Variants in STK3 observed in about 807,000 individuals in gnomAD.
The protein encoded by STK3 is serine/threonine-protein kinase 3.
STK3 carries 41 observed loss-of-function variants against 58.0 expected under a neutral mutation model. The observed-to-expected ratio is 0.71, with a 90% CI of 0.55 to 0.92. The LOEUF (loss-of-function observed/expected upper bound fraction) is 0.92. Among genes scored for constraint, STK3 ranks in the 40% least tolerant of loss-of-function variants. The pLI is 0.00. For synonymous variants in STK3, 170 were observed against 191.0 expected, an observed-to-expected ratio of 0.89 and a Z score of 0.91; for missense variants, 479 against 602.7, an observed-to-expected ratio of 0.79 and a Z score of 2.15.
chr8:98,405,313 G>A (rs1817983605), intron 3 of STK3, among the ~76,000 whole-genome samples: 1 of 152,168 alleles, frequency 6.6e-6, no homozygotes, highest in Non-Finnish European at 1.5e-5. Flanking sequence ...GATGAGTGGG[G>A]AGATGCCAGG....
chr8:98,903,556 CCT>C lies in STK3; in HGVS notation c.-78-19724_-78-19723del, dbSNP rs1491092138. On this transcript the variant is annotated intron_variant, in intron 1 of 1. Transcript: ENST00000519420. ...TCTTCTTCTTCTTCTTCTTCTTCTT[CCT>C]TTTTTTTTTTTTAAGTGGGGCCTTG... Among the ~76,000 whole-genome samples, 18 of 50,514 alleles carry C rather than the reference CCT, an allele frequency of 3.6e-4. 2 individuals carry two copies. Among genetic ancestry groups the C allele is most frequent in the South Asian group, 6.9e-4 (1 of 1,450 alleles). 33.1% of individuals were successfully genotyped at this position (50,514 alleles called of 152,430 possible).
chr8:98,653,000 A>C (rs1821090840), intron 6 of STK3, among the ~76,000 whole-genome samples: 1 of 152,106 alleles, frequency 6.6e-6, no homozygotes, highest in South Asian at 2.1e-4. Flanking sequence ...CATCTACAGA[A>C]CTCTCCACCC....
intron 1 of STK3, among the ~76,000 whole-genome samples, chr8:98,930,780 C>G (rs1839977433): frequency 6.6e-6 from 1 of 152,202 alleles, no homozygotes; most frequent in African/African-American, 2.4e-5. Context: ...TCAATTTGCT[C>G]TATTTATCTT....
At chr8:98,469,067 C>T (rs1820705944) in intron 10 of STK3, among the ~76,000 whole-genome samples, 1 of 151,738 alleles carries the variant, frequency 6.6e-6, no homozygotes, top group Non-Finnish European at 1.5e-5. Context: ...TAGGATCGTG[C>T]CACTGCACTT....
chr8:98,421,853 C>T (rs1818178100), intron 3 of STK3, among the ~76,000 whole-genome samples: 1 of 152,134 alleles, frequency 6.6e-6, no homozygotes, highest in Non-Finnish European at 1.5e-5. Context: ...TGGAGGGCCC[C>T]CAAGGGAGCA....
chr8:98,590,631 C>T (rs1054795486), intron 7 of STK3, among the ~76,000 whole-genome samples: 5 of 152,334 alleles, frequency 3.3e-5, no homozygotes, highest in Middle Eastern at 3.4e-3. Flanking sequence ...ATTTCATGCA[C>T]GTCCGTGTGA....
Position 98,825,570 on chromosome 8 carries a change from T to A in STK3, c.-30A>T. 2 of 1,445,082 alleles carry A rather than the reference T, an allele frequency of 1.4e-6. No individual in the cohort carries two copies. Among genetic ancestry groups the A allele is most frequent in the Admixed American group, 2.7e-5 (1 of 37,394 alleles). The allele number at this position is 1,445,082 out of a possible 1,614,324, so 89.5% of individuals were successfully genotyped here. Reference sequence around the variant, plus strand: ...GCCGGGGACAGAGAGAGGGACCTGGTGGACGGCGAAGGCCGAAAGGAGGAA... The same window carrying A: ...GCCGGGGACAGAGAGAGGGACCTGGAGGACGGCGAAGGCCGAAAGGAGGAA... On this transcript the variant is annotated 5_prime_UTR_variant, in exon 1 of 11. Coordinates refer to ENST00000419617, the MANE Select transcript of STK3 (RefSeq NM_006281.4).
chr8:98,593,903 A>T (rs995089624), intron 7 of STK3, among the ~76,000 whole-genome samples: 16 of 152,202 alleles, frequency 1.1e-4, no homozygotes, highest in African/African-American at 3.4e-4. Context: ...CCCCAAAAAA[A>T]AATTTAAATC....
chr8:98,491,351 G>A (rs772696996), intron 10 of STK3, among the ~76,000 whole-genome samples: 3 of 151,988 alleles, frequency 2.0e-5, no homozygotes, highest in Admixed American at 6.6e-5. Context: ...TAAATTTAGC[G>A]ATGAGTATAA....
At chr8:98,825,244 G>A (rs1835172273) in intron 1 of STK3, among the ~76,000 whole-genome samples, 1 of 151,910 alleles carries the variant, frequency 6.6e-6, no homozygotes, top group Non-Finnish European at 1.5e-5. Flanking sequence ...CGCCCCGGGA[G>A]GTCAGGCCGC....
At position 98,541,286 on chromosome 8, in the gene STK3, C is replaced by T. The variant is rs1232467635; in HGVS notation, c.1141+6683G>A. ...ATTGGATCACGGGGGTAGTTTCTAA[C>T]GGTTTAGCACCATCCCCCTAGTGCT... On this transcript the variant is annotated intron_variant, in intron 9 of 10. Transcript: ENST00000419617. 5.9e-5 allele frequency among the ~76,000 whole-genome samples: 9 copies of T among 152,118 alleles called. No homozygotes were observed. In the South Asian group the frequency reaches 6.2e-4, roughly 11 times the overall value.
intron 1 of STK3, among the ~76,000 whole-genome samples, chr8:98,930,290 G>A (rs1839960448): frequency 6.6e-6 from 1 of 152,182 alleles, no homozygotes; most frequent in South Asian, 2.1e-4. Context: ...TGTAGGGAGG[G>A]AGAAGCCAGA....
upstream of STK3, among the ~76,000 whole-genome samples, chr8:98,829,022 G>A (rs1835431395): frequency 6.6e-6 from 1 of 152,176 alleles, no homozygotes; most frequent in Non-Finnish European, 1.5e-5. Context: ...TCTGCTCTGA[G>A]AGCTAATATG....
At chr8:98,855,448 T>G (rs1160750866) in intron 3 of STK3, among the ~76,000 whole-genome samples, 1 of 152,168 alleles carries the variant, frequency 6.6e-6, no homozygotes, top group Non-Finnish European at 1.5e-5. Flanking sequence ...GCTGAGACAC[T>G]GGATAGCCAC....
chr8:98,387,656 G>C (rs920462747), intron 1 of STK3, among the ~76,000 whole-genome samples: 1 of 152,172 alleles, frequency 6.6e-6, no homozygotes, highest in Non-Finnish European at 1.5e-5. Flanking sequence ...GCTGAGGCAG[G>C]AGAATCGCTT....
At chr8:98,371,875 C>T (rs1443451326) in intron 2 of STK3, among the ~76,000 whole-genome samples, 2 of 152,090 alleles carry the variant, frequency 1.3e-5, no homozygotes, top group African/African-American at 2.4e-5. Flanking sequence ...CCCCAAATTG[C>T]GTGTTGAAGT....
At chr8:98,744,530 A>G (rs760085204) in intron 4 of STK3, among the ~76,000 whole-genome samples, 52 of 142,612 alleles carry the variant, frequency 3.6e-4, no homozygotes, top group Non-Finnish European at 5.8e-4. Context: ...GGAACTGAAC[A>G]ATGAGAACAC....
intron 6 of STK3, among the ~76,000 whole-genome samples, chr8:98,613,895 G>T (rs1167312500): frequency 6.6e-6 from 1 of 151,946 alleles, no homozygotes; most frequent in Non-Finnish European, 1.5e-5. Flanking sequence ...AGCAGAAGTG[G>T]CTATATTAAT....
intron 2 of STK3, among the ~76,000 whole-genome samples, chr8:98,377,290 T>C (rs1164928386): frequency 1.3e-5 from 2 of 152,224 alleles, no homozygotes; most frequent in Non-Finnish European, 2.9e-5. Context: ...ATTAATTCTT[T>C]TTCCCCTTGA....
Sources: allele counts gnomAD v4.1 joint callset (sites outside exome capture counted in the v4.1 genomes callset), GRCh38; gene constraint gnomAD v4.1.1; transcripts MANE v1.5; gene names NCBI Gene and HGNC (gene_info 2026-07-23, HGNC 2026-07-21).